Variants in MTERF3 observed in about 807,000 individuals in gnomAD.
MTERF3 encodes the protein transcription termination factor 3, mitochondrial.
A neutral mutation model predicts 40.5 loss-of-function variants in MTERF3; 40 were observed. That is an observed-to-expected ratio of 0.99 (90% CI 0.77 to 1.29). MTERF3 has a LOEUF of 1.29. Among genes scored for constraint, MTERF3 ranks in the 50% most tolerant of loss-of-function variants. The pLI is 0.00. For synonymous variants in MTERF3, 158 were observed against 166.6 expected, an observed-to-expected ratio of 0.95 and a Z score of 0.40; for missense variants, 452 against 478.2, an observed-to-expected ratio of 0.95 and a Z score of 0.51.
intron 4 of MTERF3, among the ~76,000 whole-genome samples, chr8:96,250,567 C>A (rs557269578): frequency 7.0e-6 from 1 of 141,972 alleles, no homozygotes; most frequent in Non-Finnish European, 1.5e-5. Context: ...AAAAATTAGC[C>A]AGGCATGGTG....
In MTERF3 at chr8:96,244,039, T is replaced by C. The variant is rs1238783434; in HGVS notation, c.939A>G (p.Gln313=). Reference sequence around the variant, plus strand: ...TCTTTGGGATTCTGGTGATCATATGTTGAATTTCGTTATGTTTAAAACCAA... The same window carrying C: ...TCTTTGGGATTCTGGTGATCATATGCTGAATTTCGTTATGTTTAAAACCAA... ...LELGFKHNEI[Q]HMITRIPKML... is the part of the protein sequence containing the mutation. Residue 313 remains glutamine, a synonymous_variant, in exon 7 of 8, where the codon CAA becomes CAG. Transcript: ENST00000287025. 4 of 1,613,804 alleles carry C rather than the reference T, an allele frequency of 2.5e-6. No homozygotes were observed. The East Asian group carries it at 6.7e-5, about 27-fold the overall frequency.
chr8:96,241,417 A>C (rs188412593), intron 7 of MTERF3, among the ~76,000 whole-genome samples: 146 of 151,826 alleles, frequency 9.6e-4, no homozygotes, highest in African/African-American at 3.3e-3. Flanking sequence ...GCAAAAAAAA[A>C]CAAAAAAAAC....
intron 6 of MTERF3, among the ~76,000 whole-genome samples, chr8:96,245,143 C>A (rs1201189926): frequency 6.6e-6 from 1 of 152,090 alleles, no homozygotes; most frequent in Non-Finnish European, 1.5e-5. Flanking sequence ...TGATCCCCCA[C>A]TAGATTGTAA....
chr8:96,251,245 AC>A, intron 3 of MTERF3, 150 bp from the exon 4 acceptor site: 1 of 598,806 alleles, frequency 1.7e-6, no homozygotes, highest in Non-Finnish European at 2.7e-6. Context: ...ATATTTTTAA[AC>A]TAAGTTGGTT....
intron 7 of MTERF3, among the ~76,000 whole-genome samples, chr8:96,240,306 T>A (rs1165209943): frequency 6.6e-6 from 1 of 151,686 alleles, no homozygotes; most frequent in African/African-American, 2.4e-5. Flanking sequence ...AATCAGCAAC[T>A]TTGAGAGCAG....
chr8:96,251,586 C>T (rs541507350), intron 3 of MTERF3, among the ~76,000 whole-genome samples: 1 of 152,184 alleles, frequency 6.6e-6, no homozygotes, highest in Non-Finnish European at 1.5e-5. Flanking sequence ...CCTTACTCAT[C>T]GTTGTAATCT....
chr8:96,258,474 T>C lies in MTERF3; in HGVS notation c.217A>G (p.Thr73Ala). Residue 73 changes from threonine (T) to alanine (A), a missense_variant, in exon 2 of 8, where the codon ACT becomes GCT. Thr to Ala is a moderately conservative substitution (Grantham distance 58). Transcript: ENST00000287025. Reference sequence around the variant, plus strand: ...TTATTCTCCTGACTACTTGAGCTAGTAGACTGGGAACTATTCCATAAGGAG... The same window carrying C: ...TTATTCTCCTGACTACTTGAGCTAGCAGACTGGGAACTATTCCATAAGGAG... ...TSSLWNSSQSTSSSSQENNSA... is the reference protein window; with the variant it reads ...TSSLWNSSQSASSSSQENNSA... The C allele has an allele frequency of 1.2e-6, 2 of 1,614,168 alleles. No homozygotes were observed. Among genetic ancestry groups the C allele is most frequent in the Non-Finnish European group, 1.7e-6 (2 of 1,179,986 alleles).
chr8:96,256,076 G>C (rs1352117975), intron 3 of MTERF3, among the ~76,000 whole-genome samples: 1 of 152,104 alleles, frequency 6.6e-6, no homozygotes, highest in African/African-American at 2.4e-5. Context: ...TCATTATCTG[G>C]GAAAATCAAG....
At chr8:96,257,345 A>G in intron 2 of MTERF3, 1 of 367,380 alleles carries the variant, frequency 2.7e-6, no homozygotes, top group Middle Eastern at 7.4e-4. Flanking sequence ...ATTTCAAAGC[A>G]CACAATGCCT....
At position 96,239,932 on chromosome 8, in the gene MTERF3, T is replaced by C; in HGVS notation, c.1060-247A>G. The C allele has an allele frequency of 4.5e-6, 3 of 660,252 alleles. No individual in the cohort carries two copies. The South Asian group carries it at 5.0e-5, about 11-fold the overall frequency. 40.9% of individuals were successfully genotyped at this position (660,252 alleles called of 1,614,324 possible). ...GGGCTATACTGTGTGCAAAGAAGAT[T>C]GAGTGCTCCAGAGACAGAGGAGAAT... On this transcript the variant is annotated intron_variant, in intron 7 of 7. Coordinates refer to ENST00000287025, the MANE Select transcript of MTERF3 (RefSeq NM_015942.5).
chr8:96,256,972 C>A lies in MTERF3; in HGVS notation c.477G>T (p.Leu159Phe), dbSNP rs1289478604. The A allele has an allele frequency of 6.3e-7, 1 of 1,598,848 alleles. No individual in the cohort carries two copies. Among genetic ancestry groups the A allele is most frequent in the East Asian group, 2.2e-5 (1 of 44,648 alleles). ...YVDHSETLQKLVLLGVDLSKI... is the reference protein window; with the variant it reads ...YVDHSETLQKFVLLGVDLSKI... ...TTTAGTCAAACTTACCTAGAAGAAC[C>A]AACTTCTGCAGAGTCTCAGAATGAT... is the stretch of plus-strand genomic sequence containing the variant. The change falls in exon 3 of 8, where the codon TTG becomes TTT. Residue 159 changes from leucine (L) to phenylalanine (F), a missense_variant. By Grantham distance (22) the Leu-to-Phe change is conservative. Coordinates refer to ENST00000287025, the MANE Select transcript of MTERF3 (RefSeq NM_015942.5).
At chr8:96,253,594 TC>T (rs1319263071) in intron 3 of MTERF3, among the ~76,000 whole-genome samples, 1 of 151,998 alleles carries the variant, frequency 6.6e-6, no homozygotes, top group Non-Finnish European at 1.5e-5. Context: ...CAAATAAGGC[TC>T]CCCTAAGTTA....
At chr8:96,249,871 G>A (rs1252061644) in intron 4 of MTERF3, among the ~76,000 whole-genome samples, 1 of 152,220 alleles carries the variant, frequency 6.6e-6, no homozygotes, top group African/African-American at 2.4e-5. Context: ...GATGATAAAA[G>A]AAGAGAAAGC....
chr8:96,259,618 A>C (rs999400478), intron 1 of MTERF3, among the ~76,000 whole-genome samples: 1 of 152,230 alleles, frequency 6.6e-6, no homozygotes, highest in Non-Finnish European at 1.5e-5. Context: ...AACATTATCC[A>C]TATAAAACAC....
intron 1 of MTERF3, among the ~76,000 whole-genome samples, chr8:96,260,692 C>T (rs890494577): frequency 2.0e-5 from 3 of 152,238 alleles, no homozygotes; most frequent in Non-Finnish European, 4.4e-5. Flanking sequence ...GATCTTTGTG[C>T]ATACAACTAA....
chr8:96,239,400 T>A (rs553669703), downstream of MTERF3: 98 of 1,009,862 alleles, frequency 9.7e-5, no homozygotes, highest in East Asian at 2.7e-3. Context: ...TGGTTTCCAA[T>A]ATCAGTTGAG....
chr8:96,257,597 C>G (rs1042607056), intron 2 of MTERF3, among the ~76,000 whole-genome samples: 1 of 152,206 alleles, frequency 6.6e-6, no homozygotes, highest in Non-Finnish European at 1.5e-5. Context: ...GTTTCTACAA[C>G]CTGCAGTCCT....
intron 5 of MTERF3, 128 bp from the exon 6 acceptor site, chr8:96,246,059 C>T (rs1810015203): frequency 2.2e-6 from 2 of 891,788 alleles, no homozygotes; most frequent in Admixed American, 2.9e-5. Flanking sequence ...ATGATAGGAA[C>T]CCCAGGAATA....
At chr8:96,246,265 G>C (rs1030557339) in intron 5 of MTERF3, 42 bp downstream of exon 5, 1 of 1,542,574 alleles carries the variant, frequency 6.5e-7, no homozygotes. Context: ...CTATTAAAAT[G>C]TACCTGACAT....
Sources: allele counts gnomAD v4.1 joint callset (sites outside exome capture counted in the v4.1 genomes callset), GRCh38; gene constraint gnomAD v4.1.1; transcripts MANE v1.5; gene names NCBI Gene and HGNC (gene_info 2026-07-23, HGNC 2026-07-21).